Variants in USP31 observed in about 807,000 individuals in gnomAD.
USP31 encodes the protein ubiquitin specific peptidase 31.
In USP31, 44 loss-of-function variants were observed where a neutral mutation model predicts 119.4. The observed-to-expected ratio is 0.37, with a 90% CI of 0.29 to 0.47. The LOEUF is 0.47. Among genes scored for constraint, USP31 ranks in the 20% least tolerant of loss-of-function variants. The pLI is 0.99. For missense variants in USP31, 1,643 were observed against 1,730.2 expected (o/e 0.95, Z 0.89); for synonymous variants, 749 against 705.6 (o/e 1.06, Z -0.97).
intron 6 of USP31, among the ~76,000 whole-genome samples, 185 bp from the exon 7 acceptor site, chr16:23,090,989 T>A (rs950427696): frequency 6.6e-6 from 1 of 152,214 alleles, no homozygotes; most frequent in Non-Finnish European, 1.5e-5. Flanking sequence ...TTCTTTAGCA[T>A]CCATTATTAT....
chr16:23,071,617 G>C (rs1900347753), intron 15 of USP31, among the ~76,000 whole-genome samples: 1 of 152,142 alleles, frequency 6.6e-6, no homozygotes, highest in South Asian at 2.1e-4. Flanking sequence ...TGGAAGGTGA[G>C]GCTCTCCTGG....
At chr16:23,071,660 C>G in intron 15 of USP31, among the ~76,000 whole-genome samples, 1 of 151,890 alleles carries the variant, frequency 6.6e-6, no homozygotes, top group South Asian at 2.1e-4. Context: ...CATGCCAAGC[C>G]TGGAGCCGAC....
rs79770494 is a variant in USP31 at position 23,077,956 on chromosome 16, T to C, written c.2176+1990A>G. 5.4e-3 allele frequency among the ~76,000 whole-genome samples: 821 copies of C among 152,286 alleles called. 24 individuals are homozygous for C. In the East Asian group the frequency reaches 0.073, roughly 14 times the overall value. On this transcript the variant is annotated intron_variant, in intron 13 of 15. Coordinates refer to ENST00000219689, the MANE Select transcript of USP31 (RefSeq NM_020718.4). ...TAAAAACCAGAAACAATATAGATGT[T>C]CAGCAATGGGGAAGGGTTAGATAAC...
rs199966288 is a variant in USP31 at position 23,068,529 on chromosome 16, G to T, written c.3576C>A (p.Ala1192=). Residue 1192 remains alanine, a synonymous_variant, in exon 16 of 16, where the codon GCC becomes GCA. Coordinates refer to ENST00000219689, the MANE Select transcript of USP31 (RefSeq NM_020718.4). ...SQARAGEGRG[A]GKHVRSSSMA... ...TGGAGGAGCTCCGCACGTGCTTCCC[G>T]GCCCCCCTGCCCTCCCCTGCTCGGG... 6.2e-7 allele frequency: 1 copy of T among 1,613,764 alleles called. No homozygotes were observed. The highest frequency in any genetic ancestry group is 2.2e-5 in the East Asian group (1 of 44,852).
intron 14 of USP31, chr16:23,072,603 G>C: frequency 2.1e-6 from 1 of 481,144 alleles, no homozygotes; most frequent in Non-Finnish European, 3.6e-6. Context: ...GAGAAGAGAG[G>C]ATGCGGCAGT....
chr16:23,131,785 T>TA (rs1903037682), intron 1 of USP31, among the ~76,000 whole-genome samples: 2 of 152,164 alleles, frequency 1.3e-5, no homozygotes, highest in African/African-American at 2.4e-5. Context: ...ATCACTGTGA[T>TA]TATTATTGTT....
At chr16:23,133,812 A>G (rs1273930694) in intron 1 of USP31, among the ~76,000 whole-genome samples, 1 of 152,198 alleles carries the variant, frequency 6.6e-6, no homozygotes, top group Non-Finnish European at 1.5e-5. Context: ...GCAGTGGCTC[A>G]TGCCTATAAT....
intron 14 of USP31, among the ~76,000 whole-genome samples, chr16:23,073,346 T>C (rs1178173647): frequency 6.6e-6 from 1 of 152,216 alleles, no homozygotes; most frequent in Non-Finnish European, 1.5e-5. Context: ...GTAGGCATTA[T>C]TATTACACCT....
intron 6 of USP31, 57 bp from the exon 7 acceptor site, chr16:23,090,861 G>T: frequency 7.3e-7 from 1 of 1,373,080 alleles, no homozygotes; most frequent in Non-Finnish European, 9.6e-7. Context: ...TTATTCACTC[G>T]TTATGAAGAA....
rs913723640 is a variant in USP31 at position 23,083,293 on chromosome 16, C to T, written c.1831-736G>A. ...CTTCATTTCTGTTTGACAGTCTTGC[C>T]AAAGGGCTTTTGCTTCCTCCTCCAG... On this transcript the variant is annotated intron_variant, in intron 11 of 15. Transcript: ENST00000219689. Among the ~76,000 whole-genome samples the T allele has an allele frequency of 2.6e-5, 4 of 152,260 alleles. No homozygotes were observed. In the East Asian group the frequency reaches 7.7e-4, roughly 29 times the overall value.
Position 23,149,127 on chromosome 16 carries a change from C to A in USP31, c.144G>T (p.Ala48=). The A allele has an allele frequency of 1.6e-6, 2 of 1,251,914 alleles. No individual in the cohort carries two copies. Among genetic ancestry groups the A allele is most frequent in the Non-Finnish European group, 2.0e-6 (2 of 976,052 alleles). 77.6% of individuals were successfully genotyped at this position (1,251,914 alleles called of 1,614,324 possible). ...AGGPGASGPA[A]PSSPSSPSSA... is the part of the protein sequence containing the mutation. ...AGGAGGGCGAGGAGGGCGAGGAAGGCGCGGCCGGCCCGGACGCCCCGGGGC... is the reference window on the plus strand; with the variant it reads ...AGGAGGGCGAGGAGGGCGAGGAAGGAGCGGCCGGCCCGGACGCCCCGGGGC... Residue 48 remains alanine, a synonymous_variant, in exon 1 of 16, where the codon GCG becomes GCT. Coordinates refer to ENST00000219689, the MANE Select transcript of USP31 (RefSeq NM_020718.4).
In USP31 at chr16:23,069,011, T is replaced by G. The variant is rs906061022; in HGVS notation, c.3094A>C (p.Thr1032Pro). The change falls in exon 16 of 16, where the codon ACT becomes CCT. Residue 1032 changes from threonine to proline, a missense_variant. By Grantham distance (38) the Thr-to-Pro change is conservative. This residue lies in a region of USP31 where 699 missense variants were observed against 650.9 expected (regional missense o/e 1.07). Transcript: ENST00000219689. ...CGCAAGCTTTTCTCTGGCTCAGAAG[T>G]GCCTTTGGAACTGGGGGATCTCTTA... is the stretch of plus-strand genomic sequence containing the variant. Reference protein sequence around the residue: ...TTKRSPSSKGTSEPEKSLRKG... With the variant: ...TTKRSPSSKGPSEPEKSLRKG... 2 of 1,613,880 alleles carry G rather than the reference T, an allele frequency of 1.2e-6. No homozygotes were observed. Among genetic ancestry groups the G allele is most frequent in the Non-Finnish European group, 8.5e-7 (1 of 1,180,002 alleles).
intron 1 of USP31, among the ~76,000 whole-genome samples, chr16:23,147,507 A>C (rs892613557): frequency 6.6e-6 from 1 of 152,004 alleles, no homozygotes; most frequent in Non-Finnish European, 1.5e-5. Context: ...TAACCGCCCA[A>C]TTTCTTAGTG....
At chr16:23,145,476 C>T (rs1903478563) in intron 1 of USP31, among the ~76,000 whole-genome samples, 1 of 152,144 alleles carries the variant, frequency 6.6e-6, no homozygotes, top group African/African-American at 2.4e-5. Flanking sequence ...AACCCAAATG[C>T]CCACCCTCCA....
At chr16:23,100,906 A>G (rs1185058424) in intron 6 of USP31, among the ~76,000 whole-genome samples, 1 of 152,182 alleles carries the variant, frequency 6.6e-6, no homozygotes, top group Non-Finnish European at 1.5e-5. Context: ...GGAAAAGCAC[A>G]TGGCATGTCT....
intron 1 of USP31, among the ~76,000 whole-genome samples, chr16:23,113,028 C>CAA (rs576031019): frequency 7.5e-6 from 1 of 134,190 alleles, no homozygotes; most frequent in Non-Finnish European, 1.6e-5. Context: ...AACTCCGTCC[C>CAA]AAAAAAAAAA....
In USP31 at chr16:23,087,704, A is replaced by G. The variant is rs1366245755; in HGVS notation, c.1527+20T>C. 6.2e-7 allele frequency: 1 copy of G among 1,604,224 alleles called. No individual in the cohort carries two copies. Among genetic ancestry groups the G allele is most frequent in the Non-Finnish European group, 8.5e-7 (1 of 1,171,136 alleles). ...GAGTATATACCCATGCTATGCTGGA[A>G]TATCAAAATGCTTACAAACCTGAAT... On this transcript the variant is annotated intron_variant, in intron 8 of 15. Coordinates refer to ENST00000219689, the MANE Select transcript of USP31 (RefSeq NM_020718.4).
chr16:23,136,696 A>T (rs1305463802), intron 1 of USP31, among the ~76,000 whole-genome samples: 1 of 152,158 alleles, frequency 6.6e-6, no homozygotes, highest in Non-Finnish European at 1.5e-5. Context: ...GGCACTACCA[A>T]GAGAGTGAAT....
chr16:23,115,880 A>G, intron 1 of USP31: 1 of 794,664 alleles, frequency 1.3e-6, no homozygotes, highest in Non-Finnish European at 1.5e-6. Flanking sequence ...AAGAGCCATA[A>G]AATTAGACAT....
Sources: allele counts gnomAD v4.1 joint callset (sites outside exome capture counted in the v4.1 genomes callset), GRCh38; gene constraint gnomAD v4.1.1; regional missense constraint gnomAD v4.1.1; transcripts MANE v1.5; gene names NCBI Gene and HGNC (gene_info 2026-07-23, HGNC 2026-07-21).